The following PCDHGB1 variants were observed in gnomAD, a reference collection of about 807,000 sequenced individuals.
The protein encoded by PCDHGB1 is protocadherin gamma-B1.
In PCDHGB1, 34 loss-of-function variants were observed where a neutral mutation model predicts 56.6. The observed-to-expected ratio is 0.60, with a 90% CI of 0.46 to 0.80. The LOEUF is 0.80. Ranked by LOEUF, PCDHGB1 falls within the 30% of genes least tolerant of loss-of-function variation. The pLI, the probability that PCDHGB1 is intolerant of heterozygous loss-of-function variation, is 0.00. For synonymous variants in PCDHGB1, 561 were observed against 505.9 expected (o/e 1.11, Z -1.46); for missense variants, 1,278 against 1,204.6 (o/e 1.06, Z -0.90).
chr5:141,403,262 G>C (rs1162911439), intron 1 of PCDHGB1: 1 of 1,613,868 alleles, frequency 6.2e-7, no homozygotes, highest in Middle Eastern at 1.6e-4. Context: ...GCGGTGTCTG[G>C]TGAACTTTAA....
rs1258181913 is a variant in PCDHGB1, at chr5:141,366,360, G to A, written c.2409+13691G>A. ...CCTGACATCCTGGCTGACCTAGGCA[G>A]TATCAAGACCCCCATTGACCCTGAG... On this transcript the variant is annotated intron_variant, in intron 1 of 3. Coordinates refer to ENST00000523390, the MANE Select transcript of PCDHGB1 (RefSeq NM_018922.3). The A allele has an allele frequency of 9.3e-6, 15 of 1,614,022 alleles. No homozygotes were observed. The highest frequency in any genetic ancestry group is 1.3e-5 in the African/African-American group (1 of 75,076).
chr5:141,450,479 G>GTTTT (rs1165567597), intron 1 of PCDHGB1, among the ~76,000 whole-genome samples: 124 of 152,020 alleles, frequency 8.2e-4, no homozygotes, highest in African/African-American at 2.9e-3. Flanking sequence ...GAGTTTGTTT[G>GTTTT]TTTGTTTGTC....
chr5:141,400,650 C>T, intron 1 of PCDHGB1: 13 of 1,174,166 alleles, frequency 1.1e-5, no homozygotes, highest in Non-Finnish European at 1.6e-5. Context: ...AGAAAGCTGT[C>T]CTACCATTCT....
chr5:141,375,011 G>C, intron 1 of PCDHGB1: 2 of 1,614,028 alleles, frequency 1.2e-6, no homozygotes, highest in Non-Finnish European at 1.7e-6. Context: ...TCTAGACTAT[G>C]AGGACTCGAG....
At chr5:141,387,282 A>C (rs578102496) in intron 1 of PCDHGB1, among the ~76,000 whole-genome samples, 59 of 152,340 alleles carry the variant, frequency 3.9e-4, no homozygotes, top group Admixed American at 2.0e-3. Context: ...CAATGAAAGA[A>C]AGATAAAATG....
rs765243043 is a variant in PCDHGB1 at position 141,390,219 on chromosome 5, T to C, written c.2409+37550T>C. On this transcript the variant is annotated intron_variant, in intron 1 of 3. Coordinates refer to ENST00000523390, the MANE Select transcript of PCDHGB1 (RefSeq NM_018922.3). ...GTTGAGTTCAGGACAAGACATACTT[T>C]GCGGTGATTCATCTGGGGCCTTATT... 3.1e-6 allele frequency: 5 copies of C among 1,614,066 alleles called. No individual in the cohort carries two copies. In the South Asian group the frequency reaches 5.5e-5, roughly 18 times the overall value.
In PCDHGB1 at chr5:141,385,016, C is replaced by G. The variant is rs536780147; in HGVS notation, c.2409+32347C>G. 1.9e-6 allele frequency: 3 copies of G among 1,614,186 alleles called. No individual in the cohort carries two copies. In the South Asian group the frequency reaches 3.3e-5, roughly 18 times the overall value. On this transcript the variant is annotated intron_variant, in intron 1 of 3. Transcript: ENST00000523390. ...GCCACAGTCTCCTGCGTCTTCCTAG[C>G]CTTCGTCCTCGTACTGCTGGCGCTC...
intron 1 of PCDHGB1, chr5:141,371,393 A>G (rs1227716102): frequency 5.6e-6 from 9 of 1,613,910 alleles, no homozygotes; most frequent in Admixed American, 5.0e-5. Flanking sequence ...ATTGTAAAGT[A>G]CAGATAGATA....
At chr5:141,375,453 A>C in intron 1 of PCDHGB1, 1 of 1,613,612 alleles carries the variant, frequency 6.2e-7, no homozygotes, top group South Asian at 1.1e-5. Flanking sequence ...CATTCATCCT[A>C]CTCAGTCTAT....
chr5:141,385,231 A>G (rs1781024340), intron 1 of PCDHGB1: 1 of 1,614,136 alleles, frequency 6.2e-7, no homozygotes, highest in Non-Finnish European at 8.5e-7. Flanking sequence ...CTATGTAGAC[A>G]TGCTCATCAG....
At chr5:141,408,271 T>C (rs948446189) in intron 1 of PCDHGB1, 7 of 1,610,858 alleles carry the variant, frequency 4.3e-6, no homozygotes, top group Non-Finnish European at 5.9e-6. Context: ...TGCTGCTGCC[T>C]TTGTTCTACC....
At chr5:141,495,452 C>T (rs543717781) in intron 2 of PCDHGB1, among the ~76,000 whole-genome samples, 1 of 152,356 alleles carries the variant, frequency 6.6e-6, no homozygotes, top group Non-Finnish European at 1.5e-5. Context: ...TTGTCCTGCT[C>T]TCTGTCTGTG....
At chr5:141,415,482 G>A in intron 1 of PCDHGB1, 1 of 1,614,218 alleles carries the variant, frequency 6.2e-7, no homozygotes, top group Non-Finnish European at 8.5e-7. Flanking sequence ...ACTCGCGAAA[G>A]AGTCACCTGA....
chr5:141,385,314 A>T, intron 1 of PCDHGB1: 1 of 1,611,588 alleles, frequency 6.2e-7, no homozygotes. Context: ...AAAACCTGCC[A>T]AGTATTCAGG....
chr5:141,394,761 G>A, intron 1 of PCDHGB1: 1 of 1,613,428 alleles, frequency 6.2e-7, no homozygotes, highest in South Asian at 1.1e-5. Context: ...CCAGGACCAT[G>A]GCCAGCCCCC....
At chr5:141,427,266 G>A (rs753905641) in intron 1 of PCDHGB1, 15 of 456,620 alleles carry the variant, frequency 3.3e-5, no homozygotes, top group Non-Finnish European at 5.7e-5. Context: ...CATGACCAGC[G>A]AATGTAAAAT....
intron 1 of PCDHGB1, chr5:141,359,943 T>C (rs1020359100): frequency 6.0e-6 from 3 of 500,182 alleles, no homozygotes; most frequent in Non-Finnish European, 9.9e-6. Flanking sequence ...GCGTCGCTGT[T>C]GGTCAAAAGA....
chr5:141,453,546 C>T lies in PCDHGB1; in HGVS notation c.2410-41261C>T, dbSNP rs116481133. Among the ~76,000 whole-genome samples, 695 of 152,296 alleles carry T rather than the reference C, an allele frequency of 4.6e-3. 4 individuals are homozygous for T. Among genetic ancestry groups the T allele is most frequent in the African/African-American group, 0.015 (634 of 41,558 alleles). On this transcript the variant is annotated intron_variant, in intron 1 of 3. Transcript: ENST00000523390. ...TACCTTCTGCCTCATTCACACCACA[C>T]TCTGTAGATAATCGATTTCATTAGT...
intron 1 of PCDHGB1, chr5:141,420,568 T>C (rs2096507107): frequency 8.5e-6 from 2 of 235,080 alleles, no homozygotes; most frequent in African/African-American, 2.3e-5. Flanking sequence ...CGGCATGGTA[T>C]TTTAATTGAA....
Sources: gnomAD v4.1 joint callset for allele counts (sites outside exome capture counted in the v4.1 genomes callset) on GRCh38, gnomAD v4.1.1 for gene constraint, MANE v1.5 for transcripts, NCBI Gene and HGNC (gene_info 2026-07-23, HGNC 2026-07-21) for gene names.